Variants in SAMHD1 observed in about 807,000 individuals in gnomAD.
SAMHD1 encodes SAM and HD domain containing deoxynucleoside triphosphate triphosphohydrolase 1.
A neutral mutation model predicts 79.6 loss-of-function variants in SAMHD1; 54 were observed. The ratio of observed to expected loss-of-function variants is 0.68; its 90% confidence interval spans 0.55 to 0.85. The LOEUF (loss-of-function observed/expected upper bound fraction) is 0.85. SAMHD1 is among the 40% of genes least tolerant of loss of function. The probability of loss-of-function intolerance (pLI) is 0.00; values close to 1 mark genes in which losing one functional copy is unlikely to be tolerated. For missense variants in SAMHD1, 663 were observed against 782.7 expected, an observed-to-expected ratio of 0.85 and a Z score of 1.82; for synonymous variants, 260 against 264.1, an observed-to-expected ratio of 0.98 and a Z score of 0.15.
At chr20:36,918,464 A>C (rs955089102) in intron 7 of SAMHD1, among the ~76,000 whole-genome samples, 1 of 151,146 alleles carries the variant, frequency 6.6e-6, no homozygotes, top group Non-Finnish European at 1.5e-5. Context: ...AAAAAAAAAA[A>C]TTTTTTTTAA....
chr20:36,928,246 G>A lies in SAMHD1; in HGVS notation c.626-994C>T, dbSNP rs148322445. Reference sequence around the variant, plus strand: ...CTACTAAAAATACAAAAAATTAGCCGGGCTTGGTGGCGGGCACCTGTAGTC... The same window carrying A: ...CTACTAAAAATACAAAAAATTAGCCAGGCTTGGTGGCGGGCACCTGTAGTC... On this transcript the variant is annotated intron_variant, in intron 5 of 15. Transcript: ENST00000646673. 8.0e-3 allele frequency among the ~76,000 whole-genome samples: 1,215 copies of A among 152,000 alleles called. 13 individuals are homozygous for A. Among genetic ancestry groups the A allele is most frequent in the African/African-American group, 0.025 (1,038 of 41,466 alleles).
intron 7 of SAMHD1, chr20:36,917,303 T>C (rs2063481814): frequency 2.2e-6 from 1 of 448,144 alleles, no homozygotes; most frequent in Non-Finnish European, 4.0e-6. Context: ...CTGAACTCTA[T>C]TACATTTCCC....
chr20:36,933,275 A>G (rs2063579177), intron 4 of SAMHD1, among the ~76,000 whole-genome samples: 1 of 152,176 alleles, frequency 6.6e-6, no homozygotes, highest in South Asian at 2.1e-4. Flanking sequence ...TACACTGCAT[A>G]ATGGAAATGC....
intron 9 of SAMHD1, among the ~76,000 whole-genome samples, chr20:36,915,021 A>G (rs1446590768): frequency 6.6e-6 from 1 of 152,040 alleles, no homozygotes; most frequent in Non-Finnish European, 1.5e-5. Flanking sequence ...CCAAAAAGAA[A>G]AAAAAGAATA....
chr20:36,942,698 G>A (rs1006834914), intron 2 of SAMHD1, among the ~76,000 whole-genome samples: 2 of 151,620 alleles, frequency 1.3e-5, no homozygotes, highest in Non-Finnish European at 2.9e-5. Flanking sequence ...CCAGGCTGGA[G>A]TGCAGTGACG....
chr20:36,940,827 C>T (rs1330364905), intron 3 of SAMHD1: 2 of 592,046 alleles, frequency 3.4e-6, no homozygotes, highest in Non-Finnish European at 6.0e-6. Context: ...TCTACTTATG[C>T]TTTTCTGTAT....
chr20:36,896,407 T>C (rs1990198944), intron 15 of SAMHD1, among the ~76,000 whole-genome samples: 1 of 152,200 alleles, frequency 6.6e-6, no homozygotes, highest in South Asian at 2.1e-4. Flanking sequence ...AGGTAGATCA[T>C]ACAGTGCATG....
In SAMHD1 at chr20:36,891,753, T is replaced by C. The variant is rs938839080; in HGVS notation, c.*1179A>G. ...CCCAGGCTGGAGTGCAATGGCGTGA[T>C]CTAGGCTCACTGCAACCTCCGCCTC... On this transcript the variant is annotated 3_prime_UTR_variant, in exon 16 of 16. Coordinates refer to ENST00000646673, the MANE Select transcript of SAMHD1 (RefSeq NM_015474.4). The C allele has an allele frequency of 2.6e-5, 4 of 152,576 alleles. No homozygotes were observed. The highest frequency in any genetic ancestry group is 1.3e-4 in the Admixed American group (2 of 15,280). 9.5% of individuals were successfully genotyped at this position (152,576 alleles called of 1,614,324 possible).
intron 4 of SAMHD1, chr20:36,934,517 CAAAAAAAAA>C: frequency 2.0e-5 from 1 of 49,584 alleles, no homozygotes; most frequent in Non-Finnish European, 3.5e-5. Flanking sequence ...GACTCTGTCT[CAAAAAAAAA>C]AAAAAAAAAA....
At chr20:36,928,320 C>T (rs925063697) in intron 5 of SAMHD1, among the ~76,000 whole-genome samples, 7 of 151,516 alleles carry the variant, frequency 4.6e-5, no homozygotes, top group South Asian at 2.1e-4. Context: ...ACCTGGGAAG[C>T]GGAGCTTGCA....
rs761106765 is a variant in SAMHD1 at position 36,951,503 on chromosome 20, C to T, written c.141G>A (p.Pro47=). ...GCCTGAGGAAGGAGCACACCTGCTCCGGACCCCATGTCTTGTAGTCGGGAT... is the reference window on the plus strand; with the variant it reads ...GCCTGAGGAAGGAGCACACCTGCTCTGGACCCCATGTCTTGTAGTCGGGAT... The part of the protein sequence containing the change: ...ELHPDYKTWG[P]EQVCSFLRRG... The change falls in exon 1 of 16, where the codon CCG becomes CCA. Residue 47 remains proline, a synonymous_variant. Coordinates refer to ENST00000646673, the MANE Select transcript of SAMHD1 (RefSeq NM_015474.4). 2.5e-6 allele frequency: 4 copies of T among 1,614,040 alleles called. No homozygotes were observed. The highest frequency in any genetic ancestry group is 3.4e-6 in the Non-Finnish European group (4 of 1,180,012).
Position 36,911,469 on chromosome 20 carries a change from C to T in SAMHD1, c.1155-136G>A, listed in dbSNP as rs982663651. On this transcript the variant is annotated intron_variant, in intron 10 of 15. Transcript: ENST00000646673. ...TGTTCTAAAGACAACTGCTTCTCCA[C>T]CGTACTAAATTTGTGCTTGGTAAGC... 1.0e-5 allele frequency: 7 copies of T among 668,388 alleles called. No homozygotes were observed. The African/African-American group carries it at 1.1e-4, about 10-fold the overall frequency. The allele number at this position is 668,388 out of a possible 1,614,324, so 41.4% of individuals were successfully genotyped here.
At chr20:36,924,823 G>A (rs1401189799) in intron 6 of SAMHD1, among the ~76,000 whole-genome samples, 2 of 152,016 alleles carry the variant, frequency 1.3e-5, no homozygotes, top group African/African-American at 2.4e-5. Flanking sequence ...AAATGTTGGG[G>A]TTGGTATTAC....
Position 36,951,278 on chromosome 20 carries a change from T to C in SAMHD1, c.208+158A>G, listed in dbSNP as rs6030389. Among the ~76,000 whole-genome samples the C allele has an allele frequency of 0.9, 137,472 of 152,176 alleles. 62,340 individuals are homozygous for C. Among genetic ancestry groups the C allele is most frequent in the East Asian group, 1 (5,135 of 5,142 alleles). ...CCCTCCCCCGCCTCGGGTCTTCCTT[T>C]CCTCGGCGCCCCCAGCGCAGGTCCG... On this transcript the variant is annotated intron_variant, in intron 1 of 15. Transcript: ENST00000646673.
intron 4 of SAMHD1, 159 bp from the exon 5 acceptor site, chr20:36,931,034 A>G: frequency 1.4e-5 from 9 of 663,364 alleles, no homozygotes; most frequent in South Asian, 1.3e-4. Flanking sequence ...ACACACACAA[A>G]CGGAATCCCA....
chr20:36,910,023 G>A (rs563116607), intron 11 of SAMHD1, among the ~76,000 whole-genome samples: 40 of 152,012 alleles, frequency 2.6e-4, no homozygotes, highest in African/African-American at 9.7e-4. Context: ...AGGAGATCGA[G>A]ACCATCCTGG....
chr20:36,918,502 T>TA (rs2063487840), intron 7 of SAMHD1, among the ~76,000 whole-genome samples: 1 of 151,552 alleles, frequency 6.6e-6, no homozygotes, highest in Admixed American at 6.6e-5. Context: ...ATATATTCAC[T>TA]AAAAAAGAAT....
chr20:36,903,979 G>A (rs764466190), intron 13 of SAMHD1, 178 bp downstream of exon 13: 32 of 580,376 alleles, frequency 5.5e-5, no homozygotes, highest in Non-Finnish European at 9.2e-5. Context: ...TAAAAATAAT[G>A]GCAAAACATC....
At chr20:36,923,478 T>C (rs747275897) in intron 6 of SAMHD1, among the ~76,000 whole-genome samples, 1 of 152,026 alleles carries the variant, frequency 6.6e-6, no homozygotes, top group Non-Finnish European at 1.5e-5. Flanking sequence ...ATTTTCAAAA[T>C]AGTAGTTTTA....
Sources: allele counts gnomAD v4.1 joint callset (sites outside exome capture counted in the v4.1 genomes callset), GRCh38; gene constraint gnomAD v4.1.1; transcripts MANE v1.5; gene names NCBI Gene and HGNC (gene_info 2026-07-23, HGNC 2026-07-21).